ATP13A3: variants seen among roughly 807,000 people sequenced by gnomAD.
The protein encoded by ATP13A3 is ATPase 13A3, also known as polyamine-transporting ATPase 13A3.
ATP13A3 carries 59 observed loss-of-function variants against 158.1 expected under a neutral mutation model. The observed-to-expected ratio is 0.37, with a 90% CI of 0.30 to 0.46. The LOEUF is 0.46. Ranked by LOEUF, ATP13A3 falls within the 20% of genes least tolerant of loss-of-function variation. The probability of loss-of-function intolerance (pLI) is 1.00; values close to 1 mark genes in which losing one functional copy is unlikely to be tolerated. For missense variants in ATP13A3, 1,166 were observed against 1,525.2 expected (o/e 0.76, Z 3.92); for synonymous variants, 491 against 504.3 (o/e 0.97, Z 0.35).
chr3:194,489,222 A>G (rs1452559072), upstream of ATP13A3, among the ~76,000 whole-genome samples: 1 of 152,220 alleles, frequency 6.6e-6, no homozygotes, highest in Non-Finnish European at 1.5e-5. The surrounding 1 kb of genome is among the most constrained non-coding windows in gnomAD (Gnocchi z 4.1). Context: ...AGGCTGGTGG[A>G]TCACACGAGG....
intron 20 of ATP13A3, among the ~76,000 whole-genome samples, chr3:194,436,830 C>T (rs778726387): frequency 6.6e-6 from 1 of 151,882 alleles, no homozygotes; most frequent in Non-Finnish European, 1.5e-5. Flanking sequence ...ACCGGGGAGG[C>T]GGAGGTTGCA....
At chr3:194,428,996 G>T in intron 27 of ATP13A3, 79 bp from the exon 28 acceptor site, 1 of 951,794 alleles carries the variant, frequency 1.1e-6, no homozygotes, top group South Asian at 1.8e-5. Context: ...TAATAGTTTG[G>T]ATTTTCCCTA....
chr3:194,481,657 A>G (rs1413246995), intron 2 of ATP13A3, among the ~76,000 whole-genome samples: 3 of 152,224 alleles, frequency 2.0e-5, no homozygotes, highest in Non-Finnish European at 4.4e-5. Flanking sequence ...CTGAGCTAGA[A>G]CCATCTTTCA....
intron 14 of ATP13A3, among the ~76,000 whole-genome samples, chr3:194,445,070 T>C (rs1352545861): frequency 5.3e-5 from 8 of 151,304 alleles, no homozygotes; most frequent in Non-Finnish European, 1.5e-5. Context: ...AAAAAAAAAA[T>C]CAATGGAAGG....
At chr3:194,408,644 CGT>C (rs372845653) in intron 33 of ATP13A3, among the ~76,000 whole-genome samples, 48 of 152,292 alleles carry the variant, frequency 3.2e-4, no homozygotes, top group African/African-American at 1.1e-3. Context: ...ACAGTGTACA[CGT>C]GTCACAATTT....
chr3:194,437,654 T>A, intron 17 of ATP13A3, 81 bp from the exon 18 acceptor site: 1 of 1,336,646 alleles, frequency 7.5e-7, no homozygotes. Flanking sequence ...TTACTAAGCA[T>A]CCACAAAACA....
chr3:194,478,683 T>C (rs1177275176), intron 2 of ATP13A3, among the ~76,000 whole-genome samples: 3 of 152,196 alleles, frequency 2.0e-5, no homozygotes, highest in Non-Finnish European at 2.9e-5. Flanking sequence ...GATTATCTTG[T>C]AGGTGATGGA....
In ATP13A3 at chr3:194,438,905, G is replaced by A. The variant is rs1443921127; in HGVS notation, c.1778C>T (p.Pro593Leu). The A allele has an allele frequency of 1.9e-6, 3 of 1,610,694 alleles. No individual in the cohort carries two copies. Among genetic ancestry groups the A allele is most frequent in the African/African-American group, 1.3e-5 (1 of 74,660 alleles). Residue 593 changes from proline to leucine, a missense_variant, in exon 17 of 34, where the codon CCT becomes CTT. By Grantham distance (98) the Pro-to-Leu change is moderately conservative. Coordinates refer to ENST00000645319, the MANE Select transcript of ATP13A3 (RefSeq NM_001367549.1). ...HNRIMPTVVRPPKQLLPESTP... is the reference protein window; with the variant it reads ...HNRIMPTVVRLPKQLLPESTP... ...AGATTCAGGAAGCAGTTGTTTGGGA[G>A]GACGAACCACTGTGGGCATAATTCG...
At chr3:194,485,070 A>AT (rs1226009842) in intron 2 of ATP13A3, among the ~76,000 whole-genome samples, 1 of 152,056 alleles carries the variant, frequency 6.6e-6, no homozygotes, top group East Asian at 1.9e-4. Context: ...AAAAAAAAAA[A>AT]AAATTTAAAG....
rs755055864 is a variant in ATP13A3, at chr3:194,406,129, GAAA to G, written c.3574-16_3574-14del. On this transcript the variant is annotated splice_polypyrimidine_tract_variant and intron_variant, in intron 33 of 33. Coordinates refer to ENST00000645319, the MANE Select transcript of ATP13A3 (RefSeq NM_001367549.1). ...GATCCACTGACTCCTAAGAAAATAA[GAAA>G]AAAACAAAACAAAACACCCCAGTTG... The G allele has an allele frequency of 6.2e-7, 1 of 1,611,236 alleles. No homozygotes were observed. The highest frequency in any genetic ancestry group is 1.7e-5 in the Admixed American group (1 of 59,214).
chr3:194,424,988 G>A (rs981772429), intron 30 of ATP13A3, among the ~76,000 whole-genome samples: 2 of 152,108 alleles, frequency 1.3e-5, no homozygotes, highest in East Asian at 3.9e-4. Flanking sequence ...TCCGCAGTGG[G>A]CTGAGGAACC....
At chr3:194,423,108 T>A (rs1716507995) in intron 30 of ATP13A3, among the ~76,000 whole-genome samples, 1 of 152,162 alleles carries the variant, frequency 6.6e-6, no homozygotes, top group East Asian at 1.9e-4. Flanking sequence ...CAAGAAATCA[T>A]GTCTAGTTAA....
rs538274525 is a variant in ATP13A3 at position 194,403,994 on chromosome 3, T to C, written c.*1925A>G. ...AAATACAATCGGATAATTGAATTTT[T>C]AAGCTGCTACTTAGCAATTACTTTC... is the stretch of plus-strand genomic sequence containing the variant. On this transcript the variant is annotated 3_prime_UTR_variant, in exon 34 of 34. Coordinates refer to ENST00000645319, the MANE Select transcript of ATP13A3 (RefSeq NM_001367549.1). 118 of 386,146 alleles carry C rather than the reference T, an allele frequency of 3.1e-4. 1 individual carries two copies. The highest frequency in any genetic ancestry group is 2.2e-3 in the South Asian group (117 of 53,254). The allele number at this position is 386,146 out of a possible 1,614,324, so 23.9% of individuals were successfully genotyped here. A position where few individuals can be genotyped will look rare whatever the true frequency, so the allele number is the denominator to read the frequency against.
At chr3:194,450,951 A>C (rs1718763063) in intron 10 of ATP13A3, 1 of 152,226 alleles carries the variant, frequency 6.6e-6, no homozygotes, top group Non-Finnish European at 1.5e-5. Context: ...TGAAAATGAA[A>C]AGATCTTCCG....
At chr3:194,482,323 C>T (rs911637616) in intron 2 of ATP13A3, among the ~76,000 whole-genome samples, 1 of 152,148 alleles carries the variant, frequency 6.6e-6, no homozygotes, top group Non-Finnish European at 1.5e-5. Context: ...AAACTCCTGG[C>T]CTCAAGCCAT....
At chr3:194,465,661 T>C (rs1194736426) in intron 2 of ATP13A3, among the ~76,000 whole-genome samples, 1 of 152,062 alleles carries the variant, frequency 6.6e-6, no homozygotes. Flanking sequence ...CCTGAAATAA[T>C]ACAACTGTTT....
chr3:194,454,643 C>A (rs534509790), intron 8 of ATP13A3, among the ~76,000 whole-genome samples: 33 of 151,884 alleles, frequency 2.2e-4, no homozygotes, highest in African/African-American at 4.8e-4. Flanking sequence ...CTGGCTAACA[C>A]GGTGAAACCC....
intron 5 of ATP13A3, 27 bp downstream of exon 5, chr3:194,459,762 G>A (rs763438351): frequency 6.3e-7 from 1 of 1,575,866 alleles, no homozygotes; most frequent in East Asian, 2.3e-5. Flanking sequence ...GATTTTTAAA[G>A]AAACTTTGAC....
At chr3:194,437,269 T>C in intron 19 of ATP13A3, 42 bp downstream of exon 19, 1 of 1,613,946 alleles carries the variant, frequency 6.2e-7, no homozygotes, top group Non-Finnish European at 8.5e-7. Flanking sequence ...ACAAGTTTAC[T>C]CAAATACCAG....
Sources: gnomAD v4.1 joint callset for allele counts (sites outside exome capture counted in the v4.1 genomes callset) on GRCh38, gnomAD v4.1.1 for gene constraint, Gnocchi (gnomAD v3.1) non-coding constraint, MANE v1.5 for transcripts, NCBI Gene and HGNC (gene_info 2026-07-23, HGNC 2026-07-21) for gene names.